Variants in HEXIM1 observed in about 807,000 individuals in gnomAD.
The protein encoded by HEXIM1 is protein HEXIM1.
In HEXIM1, 1 loss-of-function variant was observed where a neutral mutation model predicts 30.3. That is an observed-to-expected ratio of 0.03 (90% CI 0.01 to 0.16). The LOEUF is 0.16. HEXIM1 is among the 10% of genes least tolerant of loss of function. The probability of loss-of-function intolerance (pLI) is 1.00; values close to 1 mark genes in which losing one functional copy is unlikely to be tolerated. For synonymous variants in HEXIM1, 245 were observed against 208.3 expected, an observed-to-expected ratio of 1.18 and a Z score of -1.52; for missense variants, 391 against 476.4, an observed-to-expected ratio of 0.82 and a Z score of 1.67.
In HEXIM1 at chr17:45,149,095, T is replaced by G. The variant is rs78652521; in HGVS notation, c.-96T>G. 9 of 1,188,212 alleles carry G rather than the reference T, an allele frequency of 7.6e-6. No individual in the cohort carries two copies. Among genetic ancestry groups the G allele is most frequent in the East Asian group, 4.8e-5 (2 of 41,404 alleles). 73.6% of individuals were successfully genotyped at this position (1,188,212 alleles called of 1,614,324 possible). A position where few individuals can be genotyped will look rare whatever the true frequency, so the allele number is the denominator to read the frequency against. ...AACTGAAGAGGACTCTGTTGGACTG[T>G]TTTTTTTTTCTTTTTCTTTTTTTTA... On this transcript the variant is annotated 5_prime_UTR_variant, in exon 1 of 1. Transcript: ENST00000332499. The surrounding 1 kb of genome is among the most constrained non-coding windows in gnomAD (Gnocchi z 5.3).
At position 45,149,439 on chromosome 17, in the gene HEXIM1, C is replaced by A. The variant is rs536393664; in HGVS notation, c.249C>A (p.Ser83Arg). The A allele has an allele frequency of 6.2e-7, 1 of 1,613,138 alleles. No individual in the cohort carries two copies. The highest frequency in any genetic ancestry group is 8.5e-7 in the Non-Finnish European group (1 of 1,179,884). ...PLQTQACPES[S>R]CLREGEKGQN... is the part of the protein sequence containing the mutation. ...AGACCCAGGCCTGTCCAGAATCTAG[C>A]TGCCTGAGAGAGGGCGAGAAGGGCC... Residue 83 changes from serine to arginine, a missense_variant, in exon 1 of 1, where the codon AGC (serine) becomes AGA (arginine). Physicochemically the swap from Ser to Arg is moderately radical, Grantham distance 110. This residue lies in a region of HEXIM1 where 230 missense variants were observed against 199.4 expected (regional missense o/e 1.15). Coordinates refer to ENST00000332499, the MANE Select transcript of HEXIM1 (RefSeq NM_006460.3). This position sits in a 1 kb window ranked among gnomAD's most constrained non-coding sequence, Gnocchi z 5.3.
rs1329936913 is a variant in HEXIM1, at chr17:45,150,842, C to T, written c.*572C>T. On this transcript the variant is annotated 3_prime_UTR_variant, in exon 1 of 1. Transcript: ENST00000332499. The stretch of plus-strand genomic sequence containing the variant: ...TTTAAGTATGCTACAATATACAGTT[C>T]AGGCAAAATTTAAGATGTAATTATC... 1 of 167,130 alleles carries T rather than the reference C, an allele frequency of 6.0e-6. No individual in the cohort carries two copies. The highest frequency in any genetic ancestry group is 1.5e-5 in the Non-Finnish European group (1 of 68,226). 10.4% of individuals were successfully genotyped at this position (167,130 alleles called of 1,614,324 possible). A position where few individuals can be genotyped will look rare whatever the true frequency, so the allele number is the denominator to read the frequency against.
At position 45,151,579 on chromosome 17, in the gene HEXIM1, C is replaced by T. The variant is rs1225679109; in HGVS notation, c.*1309C>T. The T allele has an allele frequency of 2.4e-5, 4 of 167,072 alleles. No individual in the cohort carries two copies. The allele number at this position is 167,072 out of a possible 1,614,324, so 10.3% of individuals were successfully genotyped here. A position where few individuals can be genotyped will look rare whatever the true frequency, so the allele number is the denominator to read the frequency against. ...AATAAAAACAGAAATTATGAGATTG[C>T]CTCCTGTCATTTTGGTTAACCCAGT... is the stretch of plus-strand genomic sequence containing the variant. On this transcript the variant is annotated 3_prime_UTR_variant, in exon 1 of 1. Coordinates refer to ENST00000332499, the MANE Select transcript of HEXIM1 (RefSeq NM_006460.3).
In HEXIM1 at chr17:45,151,186, T is replaced by C. The variant is rs1203341474; in HGVS notation, c.*916T>C. 6.0e-6 allele frequency: 1 copy of C among 167,030 alleles called. No individual in the cohort carries two copies. Among genetic ancestry groups the C allele is most frequent in the Admixed American group, 6.5e-5 (1 of 15,286 alleles). The allele number at this position is 167,030 out of a possible 1,614,324, so 10.3% of individuals were successfully genotyped here. On this transcript the variant is annotated 3_prime_UTR_variant, in exon 1 of 1. Coordinates refer to ENST00000332499, the MANE Select transcript of HEXIM1 (RefSeq NM_006460.3). The stretch of plus-strand genomic sequence containing the variant: ...TGCAAGCAATGGTTAGATTAATTTG[T>C]GAGGCAGCTCTTTAAGACGTTCAGA...
In HEXIM1 at chr17:45,150,374, TA is replaced by T. The variant is rs1567918272; in HGVS notation, c.*106del. The T allele has an allele frequency of 5.8e-6, 8 of 1,386,514 alleles. No individual in the cohort carries two copies. In the Admixed American group the frequency reaches 1.2e-4, roughly 21 times the overall value. 85.9% of individuals were successfully genotyped at this position (1,386,514 alleles called of 1,614,324 possible). On this transcript the variant is annotated 3_prime_UTR_variant, in exon 1 of 1. Transcript: ENST00000332499. ...AGACAGTGGACCTTTTTATGACACATAATCAGAAGAGAAATCCCCCTGGCTT... is the reference window on the plus strand; with the variant it reads ...AGACAGTGGACCTTTTTATGACACATATCAGAAGAGAAATCCCCCTGGCTT...
chr17:45,150,419 TA>T lies in HEXIM1; in HGVS notation c.*150del. 1.2e-6 allele frequency: 1 copy of T among 817,048 alleles called. No individual in the cohort carries two copies. Among genetic ancestry groups the T allele is most frequent in the Non-Finnish European group, 1.9e-6 (1 of 524,292 alleles). The allele number at this position is 817,048 out of a possible 1,614,324, so 50.6% of individuals were successfully genotyped here. On this transcript the variant is annotated 3_prime_UTR_variant, in exon 1 of 1. Transcript: ENST00000332499. ...CTGGCTTTGGTTTCGTAAATTTAGC[TA>T]TATGTAGCTTGCGTGCTTTCTCCTG... is the stretch of plus-strand genomic sequence containing the variant.
rs888113744 is a variant in HEXIM1, at chr17:45,148,838, C to T, written c.-353C>T. The stretch of plus-strand genomic sequence containing the variant: ...AACCCCTTCGGGGCTGGGTTTCACG[C>T]ACTGGACTTACCCTCATCACCTTGC... On this transcript the variant is annotated 5_prime_UTR_variant, in exon 1 of 1. Coordinates refer to ENST00000332499, the MANE Select transcript of HEXIM1 (RefSeq NM_006460.3). 12 of 410,106 alleles carry T rather than the reference C, an allele frequency of 2.9e-5. No individual in the cohort carries two copies. Among genetic ancestry groups the T allele is most frequent in the African/African-American group, 6.2e-5 (3 of 48,674 alleles). The allele number at this position is 410,106 out of a possible 1,614,324, so 25.4% of individuals were successfully genotyped here. A position where few individuals can be genotyped will look rare whatever the true frequency, so the allele number is the denominator to read the frequency against.
Position 45,149,578 on chromosome 17 carries a change from T to C in HEXIM1, c.388T>C (p.Leu130=), listed in dbSNP as rs752620066. Residue 130 remains leucine (L), a synonymous_variant, in exon 1 of 1, where the codon TTG becomes CTG. Coordinates refer to ENST00000332499, the MANE Select transcript of HEXIM1 (RefSeq NM_006460.3). The surrounding 1 kb of genome is among the most constrained non-coding windows in gnomAD (Gnocchi z 5.3). ...TTGTCATGACTCCGAGGCCAGTAAG[T>C]TGGGGGCTCCTGCCGCAGGGGGCGA... The part of the protein sequence containing the change: ...QPCHDSEASK[L]GAPAAGGEEE... 3.1e-5 allele frequency: 50 copies of C among 1,609,170 alleles called. No homozygotes were observed. Among genetic ancestry groups the C allele is most frequent in the Non-Finnish European group, 3.6e-5 (42 of 1,178,160 alleles).
Position 45,148,793 on chromosome 17 carries a change from G to A in HEXIM1, c.-398G>A. ...CCTTTGTGGATCTGGCCCCTCGGAG[G>A]CAGCGTCATCGGTAGTTTTAACCCC... On this transcript the variant is annotated 5_prime_UTR_variant, in exon 1 of 1. Transcript: ENST00000332499. The A allele has an allele frequency of 2.5e-6, 1 of 402,930 alleles. No homozygotes were observed. The highest frequency in any genetic ancestry group is 4.4e-6 in the Non-Finnish European group (1 of 228,336). 25.0% of individuals were successfully genotyped at this position (402,930 alleles called of 1,614,324 possible).
At position 45,151,061 on chromosome 17, in the gene HEXIM1, T is replaced by C. The variant is rs944077435; in HGVS notation, c.*791T>C. The C allele has an allele frequency of 1.2e-5, 2 of 167,026 alleles. No individual in the cohort carries two copies. The highest frequency in any genetic ancestry group is 2.9e-5 in the Non-Finnish European group (2 of 68,118). The allele number at this position is 167,026 out of a possible 1,614,324, so 10.3% of individuals were successfully genotyped here. A position where few individuals can be genotyped will look rare whatever the true frequency, so the allele number is the denominator to read the frequency against. On this transcript the variant is annotated 3_prime_UTR_variant, in exon 1 of 1. Coordinates refer to ENST00000332499, the MANE Select transcript of HEXIM1 (RefSeq NM_006460.3). ...AACCTAATTTGGCAGTTTGTTAGGT[T>C]AGACAACTGACAGCCTCATTTCATT...
At position 45,150,155 on chromosome 17, in the gene HEXIM1, T is replaced by TGCGGGA. The variant is rs1272955240; in HGVS notation, c.968_973dup (p.Arg323_Glu324dup). On this transcript the variant is annotated inframe_insertion, in exon 1 of 1. Coordinates refer to ENST00000332499, the MANE Select transcript of HEXIM1 (RefSeq NM_006460.3). ...CGGCTGGGTGGCGACGACGCGCGTG[T>TGCGGGA]GCGGGAGCTGGAGCTGGAGCTGGAC... is the stretch of plus-strand genomic sequence containing the variant. 1 of 1,613,316 alleles carries TGCGGGA rather than the reference T, an allele frequency of 6.2e-7. No individual in the cohort carries two copies. Among genetic ancestry groups the TGCGGGA allele is most frequent in the Non-Finnish European group, 8.5e-7 (1 of 1,179,998 alleles).
At position 45,150,494 on chromosome 17, in the gene HEXIM1, T is replaced by A. The variant is rs1008745099; in HGVS notation, c.*224T>A. 3.8e-6 allele frequency: 2 copies of A among 526,990 alleles called. No individual in the cohort carries two copies. Among genetic ancestry groups the A allele is most frequent in the Non-Finnish European group, 3.3e-6 (1 of 300,152 alleles). The allele number at this position is 526,990 out of a possible 1,614,324, so 32.6% of individuals were successfully genotyped here. A position where few individuals can be genotyped will look rare whatever the true frequency, so the allele number is the denominator to read the frequency against. ...AGAGTTGCTTTTCTTGTTTTCCTTT[T>A]TAGAAGTTTTTTTCCTTAATGTGAA... On this transcript the variant is annotated 3_prime_UTR_variant, in exon 1 of 1. Coordinates refer to ENST00000332499, the MANE Select transcript of HEXIM1 (RefSeq NM_006460.3).
rs776890458 is a variant in HEXIM1, at chr17:45,149,703, C to T, written c.513C>T (p.Thr171=). The T allele has an allele frequency of 6.8e-6, 11 of 1,612,844 alleles. No homozygotes were observed. The highest frequency in any genetic ancestry group is 1.7e-5 in the Admixed American group (1 of 59,998). The part of the protein sequence containing the change: ...KRHWKPYYKL[T]WEEKKKFDEK... Reference sequence around the variant, plus strand: ...ATTGGAAACCGTACTACAAGCTGACCTGGGAAGAGAAGAAAAAGTTCGACG... The same window carrying T: ...ATTGGAAACCGTACTACAAGCTGACTTGGGAAGAGAAGAAAAAGTTCGACG... The change falls in exon 1 of 1, where the codon ACC becomes ACT. Residue 171 remains threonine, a synonymous_variant. Transcript: ENST00000332499. The surrounding 1 kb of genome is among the most constrained non-coding windows in gnomAD (Gnocchi z 5.3).
chr17:45,148,891 G>A lies in HEXIM1; in HGVS notation c.-300G>A, dbSNP rs1223450321. 1 of 445,338 alleles carries A rather than the reference G, an allele frequency of 2.2e-6. No individual in the cohort carries two copies. Among genetic ancestry groups the A allele is most frequent in the Non-Finnish European group, 4.0e-6 (1 of 252,892 alleles). 27.6% of individuals were successfully genotyped at this position (445,338 alleles called of 1,614,324 possible). ...ACCAACTCCTTTATTGGGGTGCTCC[G>A]CTTGGAGGTTTGAGGCCCACCTCCG... On this transcript the variant is annotated 5_prime_UTR_variant, in exon 1 of 1. Transcript: ENST00000332499.
Position 45,150,237 on chromosome 17 carries a change from G to A in HEXIM1, c.1047G>A (p.Gln349=), listed in dbSNP as rs1360487918. 2 of 1,609,314 alleles carry A rather than the reference G, an allele frequency of 1.2e-6. No homozygotes were observed. Among genetic ancestry groups the A allele is most frequent in the East Asian group, 2.2e-5 (1 of 44,800 alleles). The change falls in exon 1 of 1, where the codon CAG becomes CAA. Residue 349 remains glutamine (Q), a synonymous_variant. Transcript: ENST00000332499. The stretch of plus-strand genomic sequence containing the variant: ...CCGAGAACGAACTGCACCGGCAGCA[G>A]GAGCGAGCGCCGCTTTCCAAGTTTG... ...LLTENELHRQ[Q]ERAPLSKFGD
Position 45,149,826 on chromosome 17 carries a change from T to A in HEXIM1, c.636T>A (p.Asp212Glu). ...PYNTTQFLMDDHDQEEPDLKT... is the reference protein window; with the variant it reads ...PYNTTQFLMDEHDQEEPDLKT... Reference sequence around the variant, plus strand: ...ACACCACGCAGTTCCTCATGGATGATCACGACCAGGAGGAGCCGGATCTCA... The same window carrying A: ...ACACCACGCAGTTCCTCATGGATGAACACGACCAGGAGGAGCCGGATCTCA... The change falls in exon 1 of 1, where the codon GAT (aspartate) becomes GAA (glutamate). Residue 212 changes from aspartate (D) to glutamate (E), a missense_variant. Around this residue, in one of 5 missense-constraint regions of HEXIM1, gnomAD observed 30 missense variants for 88.1 expected, o/e 0.34. Coordinates refer to ENST00000332499, the MANE Select transcript of HEXIM1 (RefSeq NM_006460.3). The surrounding 1 kb of genome is among the most constrained non-coding windows in gnomAD (Gnocchi z 5.3). 6.2e-7 allele frequency: 1 copy of A among 1,613,564 alleles called. No homozygotes were observed. Among genetic ancestry groups the A allele is most frequent in the Non-Finnish European group, 8.5e-7 (1 of 1,179,966 alleles).
rs895985216 is a variant in HEXIM1, at chr17:45,148,475, A to C, written c.-716A>C. On this transcript the variant is annotated 5_prime_UTR_variant, in exon 1 of 1. Transcript: ENST00000332499. ...AAAGGGGCGCAGAGGACTGGGAGAC[A>C]GCAGTTGGAAGTTGGCAGGTGGAGA... 11 of 396,804 alleles carry C rather than the reference A, an allele frequency of 2.8e-5. No homozygotes were observed. Among genetic ancestry groups the C allele is most frequent in the African/African-American group, 1.4e-4 (7 of 48,394 alleles). 24.6% of individuals were successfully genotyped at this position (396,804 alleles called of 1,614,324 possible). A position where few individuals can be genotyped will look rare whatever the true frequency, so the allele number is the denominator to read the frequency against.
rs1032282796 is a variant in HEXIM1, at chr17:45,150,471, A to G, written c.*201A>G. 26 of 560,716 alleles carry G rather than the reference A, an allele frequency of 4.6e-5. No individual in the cohort carries two copies. Among genetic ancestry groups the G allele is most frequent in the Non-Finnish European group, 7.1e-5 (23 of 324,834 alleles). 34.7% of individuals were successfully genotyped at this position (560,716 alleles called of 1,614,324 possible). Reference sequence around the variant, plus strand: ...TTCTTTTAATTATGTGAAACTGAAGAGTTGCTTTTCTTGTTTTCCTTTTTA... The same window carrying G: ...TTCTTTTAATTATGTGAAACTGAAGGGTTGCTTTTCTTGTTTTCCTTTTTA... On this transcript the variant is annotated 3_prime_UTR_variant, in exon 1 of 1. Transcript: ENST00000332499.
In HEXIM1 at chr17:45,150,472, G is replaced by A. The variant is rs1210553302; in HGVS notation, c.*202G>A. 7.2e-6 allele frequency: 4 copies of A among 554,934 alleles called. No homozygotes were observed. The East Asian group carries it at 1.2e-4, about 17-fold the overall frequency. The allele number at this position is 554,934 out of a possible 1,614,324, so 34.4% of individuals were successfully genotyped here. A position where few individuals can be genotyped will look rare whatever the true frequency, so the allele number is the denominator to read the frequency against. On this transcript the variant is annotated 3_prime_UTR_variant, in exon 1 of 1. Transcript: ENST00000332499. ...TCTTTTAATTATGTGAAACTGAAGA[G>A]TTGCTTTTCTTGTTTTCCTTTTTAG... is the stretch of plus-strand genomic sequence containing the variant.
Sources: gnomAD v4.1 joint callset for allele counts on GRCh38, gnomAD v4.1.1 for gene constraint, gnomAD v4.1.1 regional missense constraint, Gnocchi (gnomAD v3.1) non-coding constraint, MANE v1.5 for transcripts, NCBI Gene and HGNC (gene_info 2026-07-23, HGNC 2026-07-21) for gene names.